Variants in QTGAL observed in about 807,000 individuals in gnomAD.
The protein encoded by QTGAL is queuosine-tRNA galactosyltransferase, also known as BGnT-like protein 1.
chr17:82,946,526 T>C, the QTGAL span, among the ~76,000 whole-genome samples: 2 of 147,356 alleles, frequency 1.4e-5, no homozygotes, highest in East Asian at 2.0e-4. Flanking sequence ...TAAGGCACGG[T>C]TGAAGGAGAA....
At chr17:83,031,506 C>CCAGAGTCATGTTTTCCAGCGGGGAAGGG in the QTGAL span, among the ~76,000 whole-genome samples, 3 of 151,880 alleles carry the variant, frequency 2.0e-5, no homozygotes, top group African/African-American at 4.8e-5. Flanking sequence ...CCTCGCAGGA[C>CCAGAGTCATGTTTTCCAGCGGGGAAGGG]TGGCGCCACG....
chr17:83,013,699 C>T, the QTGAL span, among the ~76,000 whole-genome samples: 1 of 152,026 alleles, frequency 6.6e-6, no homozygotes, highest in African/African-American at 2.4e-5. Context: ...CCACGACGCA[C>T]AGCCCCGCGG....
At chr17:82,951,732 T>G in the QTGAL span, among the ~76,000 whole-genome samples, 126,861 of 148,924 alleles carry the variant, frequency 0.85, 54,025 homozygotes, top group South Asian at 0.95. Context: ...ACACTTAGAG[T>G]CCACTGTGGG....
the QTGAL span, among the ~76,000 whole-genome samples, chr17:83,041,226 T>C: frequency 1.6e-3 from 247 of 151,674 alleles, 4 homozygotes; most frequent in East Asian, 0.041. Context: ...ATGAAGAAAG[T>C]GAAAAGCATC....
chr17:82,981,864 T>A, the QTGAL span: 1 of 152,290 alleles, frequency 6.6e-6, no homozygotes, highest in Non-Finnish European at 1.5e-5. Context: ...GTGTATTATA[T>A]ACCGTATTCT....
At chr17:82,977,678 A>AGAAAATCACACAGAATC in the QTGAL span, among the ~76,000 whole-genome samples, 1 of 152,034 alleles carries the variant, frequency 6.6e-6, no homozygotes, top group South Asian at 2.1e-4. Context: ...TCAGACAACT[A>AGAAAATCACACAGAATC]GAAAATCACA....
the QTGAL span, among the ~76,000 whole-genome samples, chr17:82,963,980 G>C: frequency 6.6e-6 from 1 of 150,900 alleles, no homozygotes; most frequent in Admixed American, 6.6e-5. Flanking sequence ...AAATTGGTTG[G>C]GTGTGGTGGC....
chr17:83,032,129 CT>C, the QTGAL span, among the ~76,000 whole-genome samples: 1 of 140,638 alleles, frequency 7.1e-6, no homozygotes, highest in African/African-American at 2.7e-5. Flanking sequence ...AGCTCGGGAG[CT>C]GAACAACGGG....
the QTGAL span, chr17:82,957,374 G>A: frequency 7.0e-3 from 11,318 of 1,613,206 alleles, 55 homozygotes; most frequent in Middle Eastern, 9.1e-3. Context: ...GCTGGCTGCC[G>A]GCAGTCAAGC....
chr17:83,044,911 A>G, the QTGAL span, among the ~76,000 whole-genome samples: 12 of 151,664 alleles, frequency 7.9e-5, no homozygotes, highest in South Asian at 2.1e-4. Flanking sequence ...GTGCCACTGC[A>G]CTCCAGCCTG....
the QTGAL span, among the ~76,000 whole-genome samples, chr17:82,951,793 TGAG>T: frequency 9.0e-5 from 3 of 33,408 alleles, no homozygotes; most frequent in African/African-American, 3.4e-4. Context: ...TAGGGAGGCC[TGAG>T]GAGGGGTGGG....
At chr17:82,991,950 A>C in the QTGAL span, among the ~76,000 whole-genome samples, 2 of 152,186 alleles carry the variant, frequency 1.3e-5, no homozygotes, top group Non-Finnish European at 2.9e-5. Flanking sequence ...TTAATAGCAG[A>C]ATTGATCAAG....
chr17:83,001,592 G>C, the QTGAL span, among the ~76,000 whole-genome samples: 1 of 148,142 alleles, frequency 6.8e-6, no homozygotes, highest in East Asian at 2.0e-4. Flanking sequence ...GTCACAGAAA[G>C]CAGAGGGGCG....
the QTGAL span, among the ~76,000 whole-genome samples, chr17:82,958,599 TGGGATGGGG>T: frequency 6.6e-6 from 1 of 152,006 alleles, no homozygotes; most frequent in Non-Finnish European, 1.5e-5. Context: ...CCACAGGCAA[TGGGATGGGG>T]GGGATGGGGG....
chr17:82,993,852 G>A, the QTGAL span, among the ~76,000 whole-genome samples: 1 of 151,700 alleles, frequency 6.6e-6, no homozygotes, highest in Admixed American at 6.6e-5. Context: ...ATCAATAAGA[G>A]GAATTTTGGA....
chr17:83,032,553 G>GGTCAGACCA, the QTGAL span, among the ~76,000 whole-genome samples: 2 of 151,590 alleles, frequency 1.3e-5, no homozygotes, highest in African/African-American at 4.9e-5. Flanking sequence ...CTGAGCTCAG[G>GGTCAGACCA]GGCCCAGCAC....
chr17:83,005,177 TA>T, the QTGAL span: 4 of 1,610,178 alleles, frequency 2.5e-6, no homozygotes, highest in East Asian at 2.2e-5. This position sits in a 1 kb window ranked among gnomAD's most constrained non-coding sequence, Gnocchi z 5.6. Flanking sequence ...TCGGTGGAGT[TA>T]GGGGGATCTC....
At chr17:82,971,563 G>A in the QTGAL span, among the ~76,000 whole-genome samples, 1 of 137,704 alleles carries the variant, frequency 7.3e-6, no homozygotes, top group Non-Finnish European at 1.6e-5. Flanking sequence ...GGGCTACTGT[G>A]CCAACCACAC....
chr17:82,983,135 C>T, the QTGAL span, among the ~76,000 whole-genome samples: 2 of 152,122 alleles, frequency 1.3e-5, no homozygotes, highest in Non-Finnish European at 2.9e-5. Flanking sequence ...CGAAAATTAG[C>T]CAGGCATGAT....
Sources: allele counts gnomAD v4.1 joint callset (sites outside exome capture counted in the v4.1 genomes callset), GRCh38; gene constraint gnomAD v4.1.1; non-coding constraint Gnocchi (gnomAD v3.1); transcripts MANE v1.5; gene names NCBI Gene and HGNC (gene_info 2026-07-23, HGNC 2026-07-21).